The following PLD5 variants were observed in gnomAD, a reference collection of about 807,000 sequenced individuals.
PLD5 encodes inactive phospholipase D5.
A neutral mutation model predicts 61.1 loss-of-function variants in PLD5; 36 were observed. The observed-to-expected ratio is 0.59, with a 90% confidence interval of 0.45 to 0.78. PLD5 has a LOEUF of 0.78. Ranked by LOEUF, PLD5 falls within the 30% of genes least tolerant of loss-of-function variation. PLD5 has a pLI of 0.00. For synonymous variants in PLD5, 243 were observed against 242.8 expected (o/e 1.00, Z -0.01); for missense variants, 515 against 644.4 (o/e 0.80, Z 2.17).
intron 5 of PLD5, among the ~76,000 whole-genome samples, chr1:242,200,118 T>G (rs1318395791): frequency 6.6e-6 from 1 of 152,196 alleles, no homozygotes; most frequent in Non-Finnish European, 1.5e-5. Flanking sequence ...GTAAATGGAC[T>G]TTTCCTTTTT....
chr1:242,115,802 G>A (rs139811546), intron 6 of PLD5, among the ~76,000 whole-genome samples: 3 of 152,298 alleles, frequency 2.0e-5, no homozygotes, highest in Non-Finnish European at 2.9e-5. Flanking sequence ...CAGCAGGAGA[G>A]CCAGAGAAGA....
At chr1:242,138,313 A>G (rs935240710) in intron 5 of PLD5, among the ~76,000 whole-genome samples, 1 of 152,194 alleles carries the variant, frequency 6.6e-6, no homozygotes, top group Non-Finnish European at 1.5e-5. Context: ...CAGTTGGGAA[A>G]GGAGATTAAA....
chr1:242,147,481 T>C (rs1331088242), intron 5 of PLD5: 1 of 152,220 alleles, frequency 6.6e-6, no homozygotes, highest in East Asian at 1.9e-4. Context: ...AACATTCATG[T>C]GCATATTTTC....
At chr1:242,401,379 C>T (rs538862049) in intron 1 of PLD5, among the ~76,000 whole-genome samples, 34 of 152,202 alleles carry the variant, frequency 2.2e-4, no homozygotes, top group African/African-American at 7.9e-4. Context: ...CCCAGAAGCC[C>T]GAGTGGTCTT....
chr1:242,331,063 T>C (rs983645345), intron 2 of PLD5, among the ~76,000 whole-genome samples: 1 of 152,202 alleles, frequency 6.6e-6, no homozygotes, highest in African/African-American at 2.4e-5. Context: ...GGGGTACTAC[T>C]GGGTCAGATA....
intron 6 of PLD5, among the ~76,000 whole-genome samples, chr1:242,123,263 G>C (rs1662525314): frequency 6.6e-6 from 1 of 152,088 alleles, no homozygotes; most frequent in East Asian, 1.9e-4. Context: ...GCTTATTTCT[G>C]GTCCCAAAAA....
At chr1:242,401,954 T>C (rs990651433) in intron 1 of PLD5, among the ~76,000 whole-genome samples, 7 of 152,250 alleles carry the variant, frequency 4.6e-5, no homozygotes, top group African/African-American at 1.7e-4. Context: ...TGAATGAGGT[T>C]GGAGTCATGT....
chr1:242,406,764 AC>A (rs1346281232), intron 1 of PLD5, among the ~76,000 whole-genome samples: 2 of 152,242 alleles, frequency 1.3e-5, no homozygotes, highest in African/African-American at 2.4e-5. Flanking sequence ...GTATTTTATA[AC>A]ATTTAACCAT....
chr1:242,093,963 C>T (rs1167679609), intron 9 of PLD5, among the ~76,000 whole-genome samples: 1 of 149,388 alleles, frequency 6.7e-6, no homozygotes, highest in African/African-American at 2.5e-5. Flanking sequence ...AGGCTCATCT[C>T]AGGAATCATG....
At chr1:242,185,159 A>C (rs1667789539) in intron 5 of PLD5, among the ~76,000 whole-genome samples, 1 of 152,190 alleles carries the variant, frequency 6.6e-6, no homozygotes, top group Non-Finnish European at 1.5e-5. Flanking sequence ...GTGTTCCCGA[A>C]ATAAATGAGG....
intron 9 of PLD5, among the ~76,000 whole-genome samples, chr1:242,094,032 C>T (rs763896436): frequency 3.3e-5 from 5 of 152,084 alleles, no homozygotes; most frequent in South Asian, 2.1e-4. Context: ...TGATCATGCT[C>T]TTCTACCTTT....
intron 1 of PLD5, among the ~76,000 whole-genome samples, chr1:242,475,382 C>T (rs1429370471): frequency 7.6e-6 from 1 of 131,234 alleles, no homozygotes; most frequent in Non-Finnish European, 1.6e-5. Context: ...GAGATTGCGC[C>T]ACTGCACTCC....
intron 2 of PLD5, among the ~76,000 whole-genome samples, chr1:242,319,010 G>A (rs1658208055): frequency 6.6e-6 from 1 of 152,134 alleles, no homozygotes; most frequent in African/African-American, 2.4e-5. Context: ...ATGTCACTGA[G>A]GGACTTGGAC....
At chr1:242,348,926 C>CGT (rs1660310341) in intron 1 of PLD5, among the ~76,000 whole-genome samples, 1 of 152,034 alleles carries the variant, frequency 6.6e-6, no homozygotes, top group Non-Finnish European at 1.5e-5. Flanking sequence ...TGGTGGCAGG[C>CGT]GCCTGTAATC....
chr1:242,438,873 T>A (rs1362041336), intron 1 of PLD5, among the ~76,000 whole-genome samples: 1 of 152,158 alleles, frequency 6.6e-6, no homozygotes, highest in African/African-American at 2.4e-5. Context: ...TAACCAACAA[T>A]CCCTGTTTAG....
chr1:242,291,579 G>A (rs1299720938), intron 2 of PLD5, among the ~76,000 whole-genome samples: 1 of 152,092 alleles, frequency 6.6e-6, no homozygotes, highest in Non-Finnish European at 1.5e-5. Flanking sequence ...GGCCGAGGCG[G>A]GCGGATCATG....
rs373497633 is a variant in PLD5 at position 242,337,013 on chromosome 1, A to T, written c.326+11093T>A. 2.6e-5 allele frequency among the ~76,000 whole-genome samples: 4 copies of T among 152,278 alleles called. No individual in the cohort carries two copies. The South Asian group carries it at 8.3e-4, about 32-fold the overall frequency. On this transcript the variant is annotated intron_variant, in intron 2 of 9. Coordinates refer to ENST00000536534, the MANE Select transcript of PLD5 (RefSeq NM_001372062.1). ...TTCTACGCTCAAATCAAGGCTGCTT[A>T]AATGACCAAGTTTGCACAGTAGGTA...
At chr1:242,464,151 T>C (rs1344625265) in intron 1 of PLD5, among the ~76,000 whole-genome samples, 2 of 152,178 alleles carry the variant, frequency 1.3e-5, no homozygotes, top group African/African-American at 2.4e-5. Context: ...TACATGCAAC[T>C]CTCTTGTTTT....
chr1:242,497,936 G>A (rs977614174), intron 1 of PLD5, among the ~76,000 whole-genome samples: 5 of 149,472 alleles, frequency 3.3e-5, no homozygotes, highest in African/African-American at 9.9e-5. Flanking sequence ...AAAGAATCAG[G>A]TTTTCTTTTT....
Sources: allele counts gnomAD v4.1 joint callset (sites outside exome capture counted in the v4.1 genomes callset), GRCh38; gene constraint gnomAD v4.1.1; transcripts MANE v1.5; gene names NCBI Gene and HGNC (gene_info 2026-07-23, HGNC 2026-07-21).